FAF1: variants seen among roughly 807,000 people sequenced by gnomAD.
FAF1 encodes the protein FAS-associated factor 1.
A neutral mutation model predicts 92.5 loss-of-function variants in FAF1; 25 were observed. That is an observed-to-expected ratio of 0.27 (90% confidence interval 0.20 to 0.38). The LOEUF is 0.38. Among genes scored for constraint, FAF1 ranks in the 10% least tolerant of loss-of-function variants. The pLI is 1.00. For synonymous variants in FAF1, 234 were observed against 273.2 expected, an observed-to-expected ratio of 0.86 and a Z score of 1.42; for missense variants, 636 against 793.3, an observed-to-expected ratio of 0.80 and a Z score of 2.38.
At chr1:50,520,310 T>G (rs1341043796) in intron 15 of FAF1, among the ~76,000 whole-genome samples, 1 of 152,126 alleles carries the variant, frequency 6.6e-6, no homozygotes, top group Admixed American at 6.5e-5. Context: ...ATGAGAGGCA[T>G]GAAAATCAGG....
intron 13 of FAF1, among the ~76,000 whole-genome samples, chr1:50,550,251 T>C (rs1649246387): frequency 6.7e-6 from 1 of 150,250 alleles, no homozygotes; most frequent in Non-Finnish European, 1.5e-5. Context: ...CTTGGGAGGC[T>C]GAGGCAGGAG....
At chr1:50,497,144 A>T (rs924342328) in intron 15 of FAF1, among the ~76,000 whole-genome samples, 3 of 152,142 alleles carry the variant, frequency 2.0e-5, no homozygotes, top group African/African-American at 7.2e-5. Context: ...AATAAAAAAA[A>T]ATCTGAAAAG....
At chr1:50,891,906 T>G (rs1357520765) in intron 1 of FAF1, among the ~76,000 whole-genome samples, 2 of 152,204 alleles carry the variant, frequency 1.3e-5, no homozygotes, top group African/African-American at 4.8e-5. Flanking sequence ...GACATTTAAG[T>G]CTGCAGAGGT....
chr1:50,906,096 T>C (rs932475842), intron 1 of FAF1, among the ~76,000 whole-genome samples: 1 of 152,228 alleles, frequency 6.6e-6, no homozygotes, highest in Non-Finnish European at 1.5e-5. Flanking sequence ...TTTCTACATA[T>C]GGCTAGCCAG....
chr1:50,818,897 T>C (rs1644004039), intron 2 of FAF1, among the ~76,000 whole-genome samples: 1 of 152,210 alleles, frequency 6.6e-6, no homozygotes, highest in Non-Finnish European at 1.5e-5. Context: ...CAAATTCATT[T>C]ATGCTTCATA....
chr1:50,594,280 A>G (rs1572856729), intron 9 of FAF1, among the ~76,000 whole-genome samples: 1 of 150,426 alleles, frequency 6.6e-6, no homozygotes, highest in Non-Finnish European at 1.5e-5. Context: ...GCACCATTGC[A>G]CTCCAGCCTG....
chr1:50,616,589 T>C (rs1013623652), intron 8 of FAF1, among the ~76,000 whole-genome samples: 3 of 152,172 alleles, frequency 2.0e-5, no homozygotes, highest in Non-Finnish European at 4.4e-5. Context: ...TTCATTTTCT[T>C]TGTGGCTAAT....
At chr1:50,457,030 T>A (rs1176809919) in intron 18 of FAF1, among the ~76,000 whole-genome samples, 1 of 152,150 alleles carries the variant, frequency 6.6e-6, no homozygotes, top group Non-Finnish European at 1.5e-5. Context: ...CATTTCTGCA[T>A]CTCAGTTTTT....
At chr1:50,887,531 T>G (rs1455625246) in intron 1 of FAF1, among the ~76,000 whole-genome samples, 3 of 152,240 alleles carry the variant, frequency 2.0e-5, no homozygotes, top group Non-Finnish European at 4.4e-5. Context: ...AAGTCTTTAA[T>G]CCATCTTTGA....
chr1:50,614,500 T>C (rs1448422207), intron 8 of FAF1, among the ~76,000 whole-genome samples: 1 of 137,260 alleles, frequency 7.3e-6, no homozygotes, highest in Non-Finnish European at 1.5e-5. Flanking sequence ...ATTTTATAAA[T>C]TATTTTGATC....
At chr1:50,806,890 CA>C (rs1662228160) in intron 2 of FAF1, among the ~76,000 whole-genome samples, 1 of 152,270 alleles carries the variant, frequency 6.6e-6, no homozygotes, top group East Asian at 1.9e-4. Context: ...CAAACACATT[CA>C]AAGGATTAGC....
At chr1:50,572,401 A>G (rs1650487537) in intron 12 of FAF1, among the ~76,000 whole-genome samples, 1 of 152,154 alleles carries the variant, frequency 6.6e-6, no homozygotes, top group African/African-American at 2.4e-5. Context: ...CATCTAATAA[A>G]CAGTCCATAT....
intron 1 of FAF1, among the ~76,000 whole-genome samples, chr1:50,882,781 T>C (rs942833741): frequency 8.7e-5 from 13 of 149,764 alleles, no homozygotes; most frequent in African/African-American, 3.2e-4. Context: ...AGGTCAGGAG[T>C]TCAAGACCAG....
chr1:50,517,073 T>C (rs543969617), intron 15 of FAF1, among the ~76,000 whole-genome samples: 1 of 152,308 alleles, frequency 6.6e-6, no homozygotes, highest in South Asian at 2.1e-4. Flanking sequence ...AATACATTCA[T>C]GTGCATGTAA....
intron 2 of FAF1, among the ~76,000 whole-genome samples, chr1:50,820,520 T>A (rs1002469659): frequency 6.6e-6 from 1 of 152,060 alleles, no homozygotes; most frequent in African/African-American, 2.4e-5. Flanking sequence ...ACACTTAAGA[T>A]CTCCTCTCTT....
At chr1:50,836,170 G>GTTTTTTGTTTTTTTTTTTTTT (rs1553144966) in intron 2 of FAF1, among the ~76,000 whole-genome samples, 2 of 98,526 alleles carry the variant, frequency 2.0e-5, no homozygotes, top group Non-Finnish European at 4.0e-5. Context: ...TTTTGTTTCT[G>GTTTTTTGTTTTTTTTTTTTTT]TTTTTTTTTT....
At chr1:50,888,610 C>A (rs988919610) in intron 1 of FAF1, among the ~76,000 whole-genome samples, 7 of 151,890 alleles carry the variant, frequency 4.6e-5, no homozygotes, top group African/African-American at 1.4e-4. Context: ...TGTCAAAGGC[C>A]TTTTCTGCAT....
Position 50,496,021 on chromosome 1 carries a change from T to C in FAF1, c.1495-4220A>G, listed in dbSNP as rs1466062708. On this transcript the variant is annotated intron_variant, in intron 15 of 18. Transcript: ENST00000396153. ...ATAAAATATTTTATGAGTTGCCAAA[T>C]GGTTCCCACAGTAAGAATTTAACCA... 2.0e-5 allele frequency among the ~76,000 whole-genome samples: 3 copies of C among 151,874 alleles called. No individual in the cohort carries two copies. In the East Asian group the frequency reaches 5.8e-4, roughly 29 times the overall value.
chr1:50,831,895 C>G (rs558590404), intron 2 of FAF1, among the ~76,000 whole-genome samples: 83 of 151,754 alleles, frequency 5.5e-4, no homozygotes, highest in Admixed American at 1.2e-3. Context: ...ATATTACCAC[C>G]TGAGCTCCGC....
Sources: allele counts gnomAD v4.1 joint callset (sites outside exome capture counted in the v4.1 genomes callset), GRCh38; gene constraint gnomAD v4.1.1; transcripts MANE v1.5; gene names NCBI Gene and HGNC (gene_info 2026-07-23, HGNC 2026-07-21).